NRK: variants seen among roughly 807,000 people sequenced by gnomAD.
NRK encodes Nik related kinase.
In NRK, 67 loss-of-function variants were observed where a neutral mutation model predicts 125.2. The ratio of observed to expected loss-of-function variants is 0.54; its 90% CI spans 0.44 to 0.66. NRK has a LOEUF of 0.66. NRK is among the 30% of genes least tolerant of loss of function. The pLI, the probability that NRK is intolerant of heterozygous loss-of-function variation, is 0.00. For synonymous variants in NRK, 458 were observed against 429.0 expected (o/e 1.07, Z -0.84); for missense variants, 1,224 against 1,192.9 (o/e 1.03, Z -0.38).
At chrX:105,886,600 T>C (rs1053155505) in intron 4 of NRK, among the ~76,000 whole-genome samples, 3 of 105,624 alleles carry the variant, frequency 2.8e-5, no homozygotes, top group Non-Finnish European at 5.8e-5. Context: ...AGCTACTGCA[T>C]TATCATATAC....
rs772934983 is a variant in NRK, at chrX:105,957,296, CTT to C, written c.*1699_*1700del. ...GTAGTTTTTTTTTTTTAAAAACAAA[CTT>C]TTATGTCAAATTTTTTTTCTTAGAA... On this transcript the variant is annotated 3_prime_UTR_variant, in exon 29 of 29. Transcript: ENST00000243300. 5 of 109,129 alleles carry C rather than the reference CTT, an allele frequency of 4.6e-5. No individual in the cohort carries two copies. In the East Asian group the frequency reaches 1.5e-3, roughly 33 times the overall value. The allele number at this position is 109,129 out of a possible 1,213,427, so 9.0% of individuals were successfully genotyped here.
rs181163967 is a variant in NRK, at chrX:105,881,336, T to G, written c.181-372T>G. Among the ~76,000 whole-genome samples, 116 of 111,601 alleles carry G rather than the reference T, an allele frequency of 1.0e-3. 1 individual carries two copies. Among genetic ancestry groups the G allele is most frequent in the African/African-American group, 3.5e-3 (108 of 30,835 alleles). On this transcript the variant is annotated intron_variant, in intron 3 of 28. Transcript: ENST00000243300. ...AAAATACTTATTTTCTTGTTTTAAC[T>G]TAAGAGACCTTGACATACTTTTAAC...
At chrX:105,948,126 A>G (rs780093237) in intron 26 of NRK, among the ~76,000 whole-genome samples, 14 of 111,075 alleles carry the variant, frequency 1.3e-4, no homozygotes, top group East Asian at 2.8e-4. Context: ...AAGCTAGTGC[A>G]GTATTGAACT....
intron 19 of NRK, among the ~76,000 whole-genome samples, chrX:105,928,661 T>C (rs1374052528): frequency 9.0e-6 from 1 of 111,461 alleles, no homozygotes; most frequent in Admixed American, 9.6e-5. Context: ...TTTTGCTGTC[T>C]CCTATAAGTT....
chrX:105,828,996 C>G (rs1040569671), intron 1 of NRK, among the ~76,000 whole-genome samples: 2 of 111,862 alleles, frequency 1.8e-5, no homozygotes, highest in African/African-American at 6.5e-5. Flanking sequence ...TCTAACAATG[C>G]TTTTATCAAT....
chrX:105,844,257 A>G (rs2039373124), intron 2 of NRK, among the ~76,000 whole-genome samples: 1 of 110,909 alleles, frequency 9.0e-6, no homozygotes, highest in Non-Finnish European at 1.9e-5. Flanking sequence ...GGTGCCTACT[A>G]ATTTAAAAGA....
chrX:105,834,814 G>A (rs1195436670), intron 2 of NRK, among the ~76,000 whole-genome samples: 2 of 110,411 alleles, frequency 1.8e-5, no homozygotes, highest in African/African-American at 3.3e-5. Context: ...ACTTATGAGA[G>A]AGTCAAGGAC....
chrX:105,917,675 G>A lies in NRK; in HGVS notation c.2512+3G>A, dbSNP rs1231791294. 2.8e-6 allele frequency: 3 copies of A among 1,067,788 alleles called. No individual in the cohort carries two copies. The highest frequency in any genetic ancestry group is 2.5e-6 in the Non-Finnish European group (2 of 791,524). 88.0% of individuals were successfully genotyped at this position (1,067,788 alleles called of 1,213,427 possible). A position where few individuals can be genotyped will look rare whatever the true frequency, so the allele number is the denominator to read the frequency against. On this transcript the variant is annotated splice_donor_region_variant and intron_variant, in intron 16 of 28. Transcript: ENST00000243300. ...TCAAAATTGGCTGGCAGCATCAGGT[G>A]ATTCAAAGCACAAAATTTTAGCAGG...
chrX:105,852,545 C>T (rs1051039866), intron 2 of NRK, among the ~76,000 whole-genome samples: 2 of 111,894 alleles, frequency 1.8e-5, no homozygotes, highest in African/African-American at 6.5e-5. Context: ...GGTTGGATAA[C>T]TTGAGCCTTG....
intron 23 of NRK, among the ~76,000 whole-genome samples, chrX:105,943,019 C>T (rs1327798660): frequency 9.0e-6 from 1 of 111,552 alleles, no homozygotes. Flanking sequence ...CCTTGGTGCC[C>T]CAAATTTTTA....
In NRK at chrX:105,915,747, T is replaced by C; in HGVS notation, c.2367T>C (p.Pro789=). 2.6e-6 allele frequency: 3 copies of C among 1,152,794 alleles called. No individual in the cohort carries two copies. Among genetic ancestry groups the C allele is most frequent in the Non-Finnish European group, 3.6e-6 (3 of 844,339 alleles). ...TCTTTAAGGTTCAAGAGAGATCTCC[T>C]TCTGTGCCTAACAACCAGGATCATG... ...PKKIEVQERS[P]SVPNNQDHAH... The change falls in exon 15 of 29, where the codon CCT becomes CCC. Residue 789 remains proline, a synonymous_variant. Coordinates refer to ENST00000243300, the MANE Select transcript of NRK (RefSeq NM_198465.4).
chrX:105,849,222 G>A lies in NRK; in HGVS notation c.123+18103G>A, dbSNP rs776346069. ...AAGAGAAAACGAGGAAGAAGCAAGA[G>A]CAGAAACCTGGATAAACCCATCAGC... On this transcript the variant is annotated intron_variant, in intron 2 of 28. Transcript: ENST00000243300. Among the ~76,000 whole-genome samples the A allele has an allele frequency of 4.5e-5, 5 of 111,890 alleles. No homozygotes were observed. The South Asian group carries it at 1.9e-3, about 42-fold the overall frequency.
chrX:105,834,439 G>T (rs2039235157), intron 2 of NRK, among the ~76,000 whole-genome samples: 1 of 109,279 alleles, frequency 9.2e-6, no homozygotes, highest in Non-Finnish European at 1.9e-5. Context: ...TGAAATGTCT[G>T]GAGGTGTGTG....
At chrX:105,919,966 C>T (rs1431147446) in intron 16 of NRK, among the ~76,000 whole-genome samples, 6 of 104,594 alleles carry the variant, frequency 5.7e-5, no homozygotes, top group Admixed American at 1.0e-4. Context: ...GAAGTCCTTG[C>T]CCATGCCTAT....
chrX:105,859,380 A>G (rs1460786989), intron 2 of NRK, among the ~76,000 whole-genome samples: 3 of 111,933 alleles, frequency 2.7e-5, no homozygotes, highest in East Asian at 5.6e-4. Flanking sequence ...ACCATGTTCT[A>G]TGATGGACCT....
In NRK at chrX:105,908,268, A is replaced by C; in HGVS notation, c.1050A>C (p.Glu350Asp). The C allele has an allele frequency of 1.8e-6, 2 of 1,107,864 alleles. No individual in the cohort carries two copies. The highest frequency in any genetic ancestry group is 2.4e-6 in the Non-Finnish European group (2 of 826,820). 91.3% of individuals were successfully genotyped at this position (1,107,864 alleles called of 1,213,427 possible). ...TACCTTTGATCTTTGAAAGAGAAGA[A>C]GCTATTAAGGAACAGTACACCGTGA... is the stretch of plus-strand genomic sequence containing the variant. ...KGIPLIFERE[E>D]AIKEQYTVRR... The change falls in exon 12 of 29, where the codon GAA (glutamate) becomes GAC (aspartate). Residue 350 changes from glutamate to aspartate, a missense_variant. Physicochemically the swap from Glu to Asp is conservative, Grantham distance 45. Transcript: ENST00000243300.
At chrX:105,916,579 T>C (rs1430176461) in intron 15 of NRK, among the ~76,000 whole-genome samples, 4 of 111,645 alleles carry the variant, frequency 3.6e-5, no homozygotes, top group Non-Finnish European at 7.6e-5. Flanking sequence ...TTTTCTTGCT[T>C]CATTACTTTA....
In NRK at chrX:105,946,399, G is replaced by A. The variant is rs779651110; in HGVS notation, c.4288G>A (p.Ala1430Thr). ...AAGACTAAAGATTTTCTTCAGCTCAGCAGATGGATATCACCTCATCGATGC... is the reference window on the plus strand; with the variant it reads ...AAGACTAAAGATTTTCTTCAGCTCAACAGATGGATATCACCTCATCGATGC... ...EKRLKIFFSSADGYHLIDAES... is the reference protein window; with the variant it reads ...EKRLKIFFSSTDGYHLIDAES... Residue 1430 changes from alanine to threonine, a missense_variant, in exon 26 of 29, where the codon GCA becomes ACA. By Grantham distance (58) the Ala-to-Thr change is moderately conservative. Coordinates refer to ENST00000243300, the MANE Select transcript of NRK (RefSeq NM_198465.4). The A allele has an allele frequency of 8.4e-7, 1 of 1,196,953 alleles. No homozygotes were observed. The highest frequency in any genetic ancestry group is 1.1e-6 in the Non-Finnish European group (1 of 882,149).
Position 105,945,909 on chromosome X carries a change from AC to A in NRK, c.4098del (p.Tyr1366Ter). ...CAATCAGCAGACTCTGAAGGAGACT[AC>A]ATGTCCTATCAAGCCTATATACGAA... ...IDQSADSEGD[Y>X]MSYQAYIRIL... On this transcript the variant is annotated frameshift_variant, in exon 25 of 29. Coordinates refer to ENST00000243300, the MANE Select transcript of NRK (RefSeq NM_198465.4). LOFTEE classifies it high-confidence loss of function. The A allele has an allele frequency of 8.3e-7, 1 of 1,207,240 alleles. No individual in the cohort carries two copies. The highest frequency in any genetic ancestry group is 1.1e-6 in the Non-Finnish European group (1 of 891,543).
Sources: allele counts gnomAD v4.1 joint callset (sites outside exome capture counted in the v4.1 genomes callset), GRCh38; gene constraint gnomAD v4.1.1; transcripts MANE v1.5; gene names NCBI Gene and HGNC (gene_info 2026-07-23, HGNC 2026-07-21).